The following GFI1B variants were observed in gnomAD, a reference collection of about 807,000 sequenced individuals.
GFI1B encodes the protein growth factor independent 1B transcriptional repressor.
GFI1B carries 20 observed loss-of-function variants against 35.3 expected under a neutral mutation model. The ratio of observed to expected loss-of-function variants is 0.57; its 90% CI spans 0.40 to 0.82. GFI1B has a LOEUF of 0.82. Among genes scored for constraint, GFI1B ranks in the 40% least tolerant of loss-of-function variants. The probability of loss-of-function intolerance (pLI) is 0.00; values close to 1 mark genes in which losing one functional copy is unlikely to be tolerated. For missense variants in GFI1B, 430 were observed against 446.3 expected (o/e 0.96, Z 0.33); for synonymous variants, 178 against 177.6 (o/e 1.00, Z -0.02).
chr9:132,967,404 T>G (rs1243928224), intron 1 of GFI1B, among the ~76,000 whole-genome samples: 1 of 152,066 alleles, frequency 6.6e-6, no homozygotes, highest in Non-Finnish European at 1.5e-5. Flanking sequence ...TGGACTGGCC[T>G]GGGCTCTTTT....
At chr9:132,975,278 G>C (rs1485613259), upstream of GFI1B, 1 of 152,124 alleles carries the variant, frequency 6.6e-6, no homozygotes, top group African/African-American at 2.4e-5. Flanking sequence ...CTTTCTCTAG[G>C]CTCAGCTCTC....
At chr9:132,958,426 G>A (rs924368239) in intron 1 of GFI1B, among the ~76,000 whole-genome samples, 8 of 152,154 alleles carry the variant, frequency 5.3e-5, no homozygotes, top group Admixed American at 1.3e-4. Flanking sequence ...CAATCATGGC[G>A]GAAGGCAAAT....
At chr9:132,946,150 A>T (rs934842999) in intron 1 of GFI1B, among the ~76,000 whole-genome samples, 6 of 152,206 alleles carry the variant, frequency 3.9e-5, no homozygotes, top group African/African-American at 1.2e-4. Context: ...GTCTAGAGCC[A>T]CGAAGGCTTA....
upstream of GFI1B, chr9:132,976,316 A>T (rs1848631729): frequency 6.6e-6 from 1 of 152,252 alleles, no homozygotes; most frequent in African/African-American, 2.4e-5. Flanking sequence ...ACGCTGGTTT[A>T]CAGTAGCAAA....
At chr9:132,970,828 A>G (rs1423305280) in intron 1 of GFI1B, among the ~76,000 whole-genome samples, 1 of 152,036 alleles carries the variant, frequency 6.6e-6, no homozygotes, top group East Asian at 1.9e-4. Flanking sequence ...CTCTAGGGAG[A>G]ACACCAATGC....
intron 1 of GFI1B, among the ~76,000 whole-genome samples, chr9:132,983,644 T>A (rs1848916309): frequency 6.6e-6 from 1 of 152,054 alleles, no homozygotes; most frequent in Non-Finnish European, 1.5e-5. Context: ...TGGGTCTGAG[T>A]CACTTTCCTC....
intron 1 of GFI1B, among the ~76,000 whole-genome samples, chr9:132,984,945 C>T (rs1848983680): frequency 5.3e-5 from 8 of 152,220 alleles, no homozygotes; most frequent in Admixed American, 5.2e-4. Context: ...CACCTCCCAC[C>T]CTGCTCCTGG....
At chr9:132,947,635 C>A (rs1474076078) in intron 1 of GFI1B, among the ~76,000 whole-genome samples, 1 of 151,628 alleles carries the variant, frequency 6.6e-6, no homozygotes, top group Non-Finnish European at 1.5e-5. Flanking sequence ...ATGGTGAAAC[C>A]CTGTCTCTAC....
intron 1 of GFI1B, among the ~76,000 whole-genome samples, chr9:132,956,997 A>G (rs1848292804): frequency 6.6e-6 from 1 of 152,226 alleles, no homozygotes; most frequent in South Asian, 2.1e-4. Context: ...AGAACAAAAA[A>G]GAGAGTGCAA....
In GFI1B at chr9:132,989,852, C is replaced by T. The variant is rs755994673; in HGVS notation, c.759C>T (p.Cys253=). 12 of 1,614,214 alleles carry T rather than the reference C, an allele frequency of 7.4e-6. No individual in the cohort carries two copies. The highest frequency in any genetic ancestry group is 1.1e-5 in the South Asian group (1 of 91,092). Residue 253 remains cysteine, a synonymous_variant, in exon 6 of 7, where the codon TGC becomes TGT. Coordinates refer to ENST00000372122, the MANE Select transcript of GFI1B (RefSeq NM_001377304.1). The surrounding 1 kb of genome is among the most constrained non-coding windows in gnomAD (Gnocchi z 6.2). ...SDTRPYPCQF[C]GKRFHQKSDM... ...CGCGGCCCTACCCCTGCCAGTTCTG[C>T]GGCAAGCGTTTCCACCAGAAGTCCG...
chr9:132,952,873 T>G (rs1305887543), intron 1 of GFI1B: 1 of 152,254 alleles, frequency 6.6e-6, no homozygotes, highest in Non-Finnish European at 1.5e-5. Flanking sequence ...AGAAATATCC[T>G]TATTTTAGCC....
intron 6 of GFI1B, among the ~76,000 whole-genome samples, chr9:132,990,354 CTCATTCATTTGTTCACTCAT>C (rs1446743122): frequency 4.0e-5 from 6 of 151,768 alleles, no homozygotes; most frequent in East Asian, 1.9e-4. Context: ...CACTCATTTG[CTCATTCATTTGTTCACTCAT>C]TCATTCATTT....
Position 132,991,181 on chromosome 9 carries a change from C to T in GFI1B, c.*131C>T. 1.2e-6 allele frequency: 1 copy of T among 808,590 alleles called. No homozygotes were observed. Among genetic ancestry groups the T allele is most frequent in the Non-Finnish European group, 2.0e-6 (1 of 491,360 alleles). 50.1% of individuals were successfully genotyped at this position (808,590 alleles called of 1,614,324 possible). The stretch of plus-strand genomic sequence containing the variant: ...AGGAGTCTACCAGCTTGTTTTGAGA[C>T]TCATGAAATTGCTGTGTGACCTTGG... On this transcript the variant is annotated 3_prime_UTR_variant, in exon 7 of 7. Coordinates refer to ENST00000372122, the MANE Select transcript of GFI1B (RefSeq NM_001377304.1).
intron 1 of GFI1B, among the ~76,000 whole-genome samples, chr9:132,984,634 C>G (rs528944850): frequency 6.6e-6 from 1 of 152,200 alleles, no homozygotes; most frequent in Non-Finnish European, 1.5e-5. Flanking sequence ...CTCTCACACT[C>G]GCTCCTGATG....
chr9:132,946,763 C>G (rs975749207), intron 1 of GFI1B: 1 of 152,388 alleles, frequency 6.6e-6, no homozygotes, highest in Non-Finnish European at 1.5e-5. Context: ...CCTGACCTTC[C>G]TTGGCTCCAT....
At position 132,989,718 on chromosome 9, in the gene GFI1B, C is replaced by T. The variant is rs750759802; in HGVS notation, c.649-24C>T. 6.2e-6 allele frequency: 10 copies of T among 1,609,762 alleles called. No homozygotes were observed. The highest frequency in any genetic ancestry group is 8.5e-6 in the Non-Finnish European group (10 of 1,176,816). ...CAGTCCTGAGCCTGCACCTGACCCC[C>T]CGGGGCCTCATTTCCTCCGGCAGGA... On this transcript the variant is annotated intron_variant, in intron 5 of 6. Coordinates refer to ENST00000372122, the MANE Select transcript of GFI1B (RefSeq NM_001377304.1). This position sits in a 1 kb window ranked among gnomAD's most constrained non-coding sequence, Gnocchi z 6.2.
rs771408008 is a variant in GFI1B at position 132,989,100 on chromosome 9, C to G, written c.550C>G (p.Arg184Gly). Residue 184 changes from arginine (R) to glycine (G), a missense_variant, in exon 5 of 7, where the codon CGC becomes GGC. Arg to Gly is a moderately radical substitution (Grantham distance 125, BLOSUM62 -2). Coordinates refer to ENST00000372122, the MANE Select transcript of GFI1B (RefSeq NM_001377304.1). The surrounding 1 kb of genome is among the most constrained non-coding windows in gnomAD (Gnocchi z 6.2). The part of the protein sequence containing the change: ...TPHGLEVHVR[R>G]SHSGTRPFAC... ...TCACGGGCTCGAAGTGCATGTGCGA[C>G]GCTCCCATAGTGGGACCCGGCCCTT... The G allele has an allele frequency of 6.2e-7, 1 of 1,613,908 alleles. No individual in the cohort carries two copies. Among genetic ancestry groups the G allele is most frequent in the South Asian group, 1.1e-5 (1 of 91,078 alleles).
chr9:132,986,531 GACA>G, intron 1 of GFI1B, 125 bp from the exon 2 acceptor site: 1 of 691,730 alleles, frequency 1.4e-6, no homozygotes, highest in South Asian at 1.5e-5. Context: ...GTTCTGGGTG[GACA>G]TGAACTTTGG....
intron 1 of GFI1B, among the ~76,000 whole-genome samples, chr9:132,984,312 G>A (rs189806022): frequency 7.2e-5 from 11 of 152,198 alleles, no homozygotes; most frequent in African/African-American, 1.9e-4. Context: ...GGGAAGGAAG[G>A]GGGGTGTGGG....
Sources: gnomAD v4.1 joint callset for allele counts (sites outside exome capture counted in the v4.1 genomes callset) on GRCh38, gnomAD v4.1.1 for gene constraint, Gnocchi (gnomAD v3.1) non-coding constraint, MANE v1.5 for transcripts, NCBI Gene and HGNC (gene_info 2026-07-23, HGNC 2026-07-21) for gene names.